Variants in NCKAP5 observed in about 807,000 individuals in gnomAD.
NCKAP5 encodes the protein nck-associated protein 5.
NCKAP5 carries 92 observed loss-of-function variants against 167.0 expected under a neutral mutation model. That is an observed-to-expected ratio of 0.55 (90% CI 0.47 to 0.66). NCKAP5 has a LOEUF of 0.66. Among genes scored for constraint, NCKAP5 ranks in the 30% least tolerant of loss-of-function variants. NCKAP5 has a pLI of 0.00. For synonymous variants in NCKAP5, 891 were observed against 877.4 expected, an observed-to-expected ratio of 1.02 and a Z score of -0.27; for missense variants, 2,378 against 2,315.0, an observed-to-expected ratio of 1.03 and a Z score of -0.56.
chr2:132,919,499 C>T (rs534930406), intron 8 of NCKAP5, among the ~76,000 whole-genome samples: 10 of 152,102 alleles, frequency 6.6e-5, no homozygotes, highest in African/African-American at 1.7e-4. Context: ...TCACTGAACA[C>T]GCAAACTAGC....
chr2:133,544,664 C>A (rs1466504930), intron 2 of NCKAP5, among the ~76,000 whole-genome samples: 1 of 152,178 alleles, frequency 6.6e-6, no homozygotes, highest in East Asian at 1.9e-4. Flanking sequence ...CTGCAGTGTG[C>A]ATTCTTGTGC....
the NCKAP5 span, among the ~76,000 whole-genome samples, chr2:133,656,155 C>T: frequency 6.6e-6 from 1 of 152,086 alleles, no homozygotes; most frequent in South Asian, 2.1e-4. Flanking sequence ...GCTATAGATT[C>T]TATAGTTAAA....
intron 5 of NCKAP5, among the ~76,000 whole-genome samples, chr2:133,178,075 T>TC (rs1166632668): frequency 2.0e-5 from 3 of 152,240 alleles, no homozygotes; most frequent in African/African-American, 7.2e-5. Flanking sequence ...CAGCAGAAGT[T>TC]CCCCTTTGGT....
At chr2:133,091,644 T>C (rs2081187853) in intron 6 of NCKAP5, among the ~76,000 whole-genome samples, 1 of 152,116 alleles carries the variant, frequency 6.6e-6, no homozygotes, top group East Asian at 1.9e-4. Flanking sequence ...TCCCAGCACT[T>C]TGGGAGGCCG....
the NCKAP5 span, among the ~76,000 whole-genome samples, chr2:133,625,869 T>C: frequency 8.1e-6 from 1 of 122,934 alleles, no homozygotes; most frequent in South Asian, 2.5e-4. Context: ...GAGACTTGTC[T>C]CAAAAAAAAA....
chr2:133,281,480 T>C (rs2089933203), intron 4 of NCKAP5, among the ~76,000 whole-genome samples: 1 of 152,200 alleles, frequency 6.6e-6, no homozygotes, highest in Non-Finnish European at 1.5e-5. Context: ...TCAAGAAGCC[T>C]GGGCCTCAGA....
At chr2:133,349,657 T>G (rs1289948008) in intron 3 of NCKAP5, among the ~76,000 whole-genome samples, 1 of 152,212 alleles carries the variant, frequency 6.6e-6, no homozygotes, top group African/African-American at 2.4e-5. Context: ...TTGAAACCAT[T>G]AGGTTCACAT....
the NCKAP5 span, among the ~76,000 whole-genome samples, chr2:133,593,853 G>C: frequency 6.6e-6 from 1 of 152,124 alleles, no homozygotes; most frequent in Non-Finnish European, 1.5e-5. Context: ...TGTGCATAGG[G>C]GATGCAGCCC....
At chr2:133,200,077 T>TTTTTTTTTTTTATTA in intron 5 of NCKAP5, among the ~76,000 whole-genome samples, 1 of 148,578 alleles carries the variant, frequency 6.7e-6, no homozygotes. Flanking sequence ...TTTTTTTTTT[T>TTTTTTTTTTTTATTA]TTGCAGAAAT....
the NCKAP5 span, among the ~76,000 whole-genome samples, chr2:133,616,983 C>T: frequency 6.6e-6 from 1 of 152,198 alleles, no homozygotes; most frequent in Non-Finnish European, 1.5e-5. Context: ...CCCTGGGATG[C>T]AAGTCTGGTT....
chr2:133,630,486 C>T, the NCKAP5 span, among the ~76,000 whole-genome samples: 3 of 152,130 alleles, frequency 2.0e-5, no homozygotes, highest in African/African-American at 7.2e-5. Context: ...AAATAGCTAA[C>T]GTGTGCAGGG....
At chr2:133,493,547 G>A (rs1301616783) in intron 3 of NCKAP5, among the ~76,000 whole-genome samples, 3 of 152,172 alleles carry the variant, frequency 2.0e-5, no homozygotes, top group Non-Finnish European at 4.4e-5. Context: ...TGAGAACAGT[G>A]TCTGGCACAT....
intron 6 of NCKAP5, among the ~76,000 whole-genome samples, chr2:133,126,330 G>A (rs571311013): frequency 3.3e-4 from 50 of 152,170 alleles, no homozygotes; most frequent in Non-Finnish European, 5.4e-4. Context: ...TGGGCCAGGC[G>A]TCAGCATCTT....
At chr2:132,912,794 T>G (rs1694556397) in intron 8 of NCKAP5, among the ~76,000 whole-genome samples, 1 of 152,190 alleles carries the variant, frequency 6.6e-6, no homozygotes, top group Admixed American at 6.5e-5. Context: ...TGCCACTTCT[T>G]CTATTGAGGC....
At chr2:132,768,939 CTTTTT>C (rs1226877275) in intron 16 of NCKAP5, among the ~76,000 whole-genome samples, 86 of 116,308 alleles carry the variant, frequency 7.4e-4, no homozygotes, top group African/African-American at 2.2e-3. Context: ...ACACCTGGCC[CTTTTT>C]TTTTTTTTTT....
chr2:132,888,990 T>C (rs1692465150), intron 8 of NCKAP5, among the ~76,000 whole-genome samples: 1 of 152,202 alleles, frequency 6.6e-6, no homozygotes, highest in African/African-American at 2.4e-5. Context: ...CACCATGAGC[T>C]TTTAAGCTTC....
At position 133,009,129 on chromosome 2, in the gene NCKAP5, G is replaced by A. The variant is rs79211507; in HGVS notation, c.342-14890C>T. 1.6e-4 allele frequency among the ~76,000 whole-genome samples: 25 copies of A among 152,256 alleles called. No homozygotes were observed. In the East Asian group the frequency reaches 4.6e-3, roughly 28 times the overall value. ...GATTCCTAGGTCTACTTGAGACCTA[G>A]TAAATCCAAATATCTGAGAGTAGAG... On this transcript the variant is annotated intron_variant, in intron 6 of 19. Coordinates refer to ENST00000409261, the MANE Select transcript of NCKAP5 (RefSeq NM_207363.3).
At chr2:133,275,846 T>C (rs974742532) in intron 4 of NCKAP5, among the ~76,000 whole-genome samples, 4 of 150,736 alleles carry the variant, frequency 2.7e-5, no homozygotes, top group Middle Eastern at 3.4e-3. Context: ...AACTTAATCA[T>C]GAAAAAAATG....
Position 132,963,864 on chromosome 2 carries a change from C to T in NCKAP5, c.435G>A (p.Lys145=). The change falls in exon 8 of 20, where the codon AAG becomes AAA. Residue 145 remains lysine, a synonymous_variant. Transcript: ENST00000409261. ...TATGTTTTCTCTCTTCCTCTGACAG[C>T]TTTTCCTGAAGCAAGAAAGAATTAC... ...ETVNIMVYQE[K]LSEEERKHKE... is the part of the protein sequence containing the mutation. The T allele has an allele frequency of 1.9e-6, 3 of 1,613,578 alleles. No homozygotes were observed. Among genetic ancestry groups the T allele is most frequent in the Non-Finnish European group, 2.5e-6 (3 of 1,179,832 alleles).
Sources: allele counts gnomAD v4.1 joint callset (sites outside exome capture counted in the v4.1 genomes callset), GRCh38; gene constraint gnomAD v4.1.1; transcripts MANE v1.5; gene names NCBI Gene and HGNC (gene_info 2026-07-23, HGNC 2026-07-21).